The following ZDHHC21 variants were observed in gnomAD, a reference collection of about 807,000 sequenced individuals.
ZDHHC21 encodes the protein zDHHC palmitoyltransferase 21.
In ZDHHC21, 15 loss-of-function variants were observed where a neutral mutation model predicts 34.6. The ratio of observed to expected loss-of-function variants is 0.43; its 90% confidence interval spans 0.29 to 0.67. ZDHHC21 has a LOEUF of 0.67. Among genes scored for constraint, ZDHHC21 ranks in the 30% least tolerant of loss-of-function variants. The pLI is 0.14. For synonymous variants in ZDHHC21, 142 were observed against 101.8 expected, an observed-to-expected ratio of 1.40 and a Z score of -2.38; for missense variants, 344 against 327.7, an observed-to-expected ratio of 1.05 and a Z score of -0.38.
chr9:14,589,377 A>T, the ZDHHC21 span: 2 of 152,156 alleles, frequency 1.3e-5, no homozygotes, highest in African/African-American at 2.4e-5. Flanking sequence ...AGGAAAATAA[A>T]TGAGGTGACT....
chr9:14,658,287 A>C (rs1832659639), intron 7 of ZDHHC21, among the ~76,000 whole-genome samples: 1 of 152,074 alleles, frequency 6.6e-6, no homozygotes, highest in South Asian at 2.1e-4. Context: ...GAAATGTCAG[A>C]CTAGGGCCCA....
intron 7 of ZDHHC21, among the ~76,000 whole-genome samples, chr9:14,640,533 C>T (rs1829191047): frequency 6.6e-6 from 1 of 152,088 alleles, no homozygotes; most frequent in African/African-American, 2.4e-5. Context: ...ATCATAAGTA[C>T]AGCTCTCTTC....
At position 14,619,062 on chromosome 9, in the gene ZDHHC21, T is replaced by C. The variant is rs1442084013; in HGVS notation, c.702A>G (p.Ser234=). The C allele has an allele frequency of 6.2e-7, 1 of 1,612,008 alleles. No homozygotes were observed. The highest frequency in any genetic ancestry group is 2.2e-5 in the East Asian group (1 of 44,744). Residue 234 remains serine (S), a synonymous_variant, in exon 10 of 10, where the codon TCA becomes TCG. Transcript: ENST00000380916. ...RPRKPWQQTF[S]EVFGTRWKIL... is the part of the protein sequence containing the mutation. ...TCTTCCAACGAGTGCCAAAAACTTCTGAGAAGGTCTGCTGCCATGGCTTTC... is the reference window on the plus strand; with the variant it reads ...TCTTCCAACGAGTGCCAAAAACTTCCGAGAAGGTCTGCTGCCATGGCTTTC...
chr9:14,649,462 G>C (rs1404279061), intron 7 of ZDHHC21, among the ~76,000 whole-genome samples: 1 of 151,944 alleles, frequency 6.6e-6, no homozygotes, highest in Non-Finnish European at 1.5e-5. Flanking sequence ...ATGGGTATGA[G>C]CACTTTTTGG....
chr9:14,623,749 C>T (rs999294912), intron 8 of ZDHHC21, among the ~76,000 whole-genome samples: 9 of 151,654 alleles, frequency 5.9e-5, no homozygotes, highest in Non-Finnish European at 2.9e-5. Flanking sequence ...TTCAACACCA[C>T]TAGCCATCAG....
At chr9:14,654,459 T>A (rs181867234) in intron 7 of ZDHHC21, among the ~76,000 whole-genome samples, 144 of 151,962 alleles carry the variant, frequency 9.5e-4, no homozygotes, top group African/African-American at 3.2e-3. Flanking sequence ...CAATTTGTCA[T>A]GCAAAATGCT....
At chr9:14,604,825 T>G in the ZDHHC21 span, among the ~76,000 whole-genome samples, 1 of 152,148 alleles carries the variant, frequency 6.6e-6, no homozygotes, top group Non-Finnish European at 1.5e-5. Flanking sequence ...CTCTAGAACT[T>G]TTTAAACTCG....
intron 7 of ZDHHC21, among the ~76,000 whole-genome samples, chr9:14,653,403 T>G (rs1831607434): frequency 6.6e-6 from 1 of 152,030 alleles, no homozygotes; most frequent in African/African-American, 2.4e-5. Context: ...TTTCTACCTT[T>G]ATGAAAAACA....
chr9:14,683,521 A>C (rs1396844811), intron 2 of ZDHHC21: 2 of 152,228 alleles, frequency 1.3e-5, no homozygotes, highest in Admixed American at 6.5e-5. Context: ...ATCTCTGAAT[A>C]GACCAATAAC....
rs191430054 is a variant in ZDHHC21 at position 14,683,266 on chromosome 9, A to T, written c.-175-3104T>A. Among the ~76,000 whole-genome samples the T allele has an allele frequency of 7.2e-3, 1,090 of 151,870 alleles. 6 individuals are homozygous for T. Among genetic ancestry groups the T allele is most frequent in the Non-Finnish European group, 0.012 (837 of 67,788 alleles). On this transcript the variant is annotated intron_variant, in intron 2 of 9. Transcript: ENST00000380916. Reference sequence around the variant, plus strand: ...TCCAGGAGCTGGTTTTTTATTTTTTATTTTTGAAAAGATCAACAAAATTGA... The same window carrying T: ...TCCAGGAGCTGGTTTTTTATTTTTTTTTTTTGAAAAGATCAACAAAATTGA...
At chr9:14,588,940 G>A in the ZDHHC21 span, 1 of 152,018 alleles carries the variant, frequency 6.6e-6, no homozygotes, top group Admixed American at 6.5e-5. Flanking sequence ...TATCCCTCGT[G>A]ACCCATGAGA....
At chr9:14,670,591 T>C (rs980597495) in intron 5 of ZDHHC21, among the ~76,000 whole-genome samples, 1 of 152,054 alleles carries the variant, frequency 6.6e-6, no homozygotes, top group Non-Finnish European at 1.5e-5. Flanking sequence ...CGGGCCTTTA[T>C]AGTAAAGAAG....
At chr9:14,692,689 A>G (rs1167484784) in intron 1 of ZDHHC21, among the ~76,000 whole-genome samples, 1 of 152,162 alleles carries the variant, frequency 6.6e-6, no homozygotes, top group Non-Finnish European at 1.5e-5. Context: ...CCATTTTCCG[A>G]AAACCTCTTT....
chr9:14,645,630 CA>C (rs949882419), intron 7 of ZDHHC21, among the ~76,000 whole-genome samples: 1 of 151,758 alleles, frequency 6.6e-6, no homozygotes, highest in African/African-American at 2.4e-5. Context: ...CTCTGTTTAC[CA>C]AAAAATGCCA....
At chr9:14,657,893 T>C (rs997219003) in intron 7 of ZDHHC21, among the ~76,000 whole-genome samples, 2 of 152,202 alleles carry the variant, frequency 1.3e-5, no homozygotes, top group Non-Finnish European at 2.9e-5. Context: ...CCAGGGAATA[T>C]GTACATTCTT....
intron 8 of ZDHHC21, among the ~76,000 whole-genome samples, chr9:14,627,971 A>G (rs375152921): frequency 2.0e-5 from 3 of 152,246 alleles, no homozygotes; most frequent in Admixed American, 6.5e-5. Context: ...AGTCTAAAAA[A>G]TAATTTGACT....
At chr9:14,646,781 T>A (rs2133790814) in intron 7 of ZDHHC21, among the ~76,000 whole-genome samples, 2 of 152,284 alleles carry the variant, frequency 1.3e-5, no homozygotes, top group Middle Eastern at 3.4e-3. Flanking sequence ...AAAATCCCAG[T>A]ATTCCCTATT....
the ZDHHC21 span, among the ~76,000 whole-genome samples, chr9:14,603,626 A>T: frequency 7.2e-5 from 11 of 152,226 alleles, no homozygotes; most frequent in African/African-American, 2.7e-4. Context: ...CTCATGTGAT[A>T]TATAAATTAC....
At chr9:14,650,729 A>G (rs1354710141) in intron 7 of ZDHHC21, among the ~76,000 whole-genome samples, 1 of 151,988 alleles carries the variant, frequency 6.6e-6, no homozygotes, top group Non-Finnish European at 1.5e-5. Context: ...TCAAATCCCT[A>G]GCAACACTAT....
Sources: gnomAD v4.1 joint callset for allele counts (sites outside exome capture counted in the v4.1 genomes callset) on GRCh38, gnomAD v4.1.1 for gene constraint, MANE v1.5 for transcripts, NCBI Gene and HGNC (gene_info 2026-07-23, HGNC 2026-07-21) for gene names.